The following SASH1 variants were observed in gnomAD, a reference collection of about 807,000 sequenced individuals.
The protein encoded by SASH1 is SAM and SH3 domain-containing protein 1.
In SASH1, 44 loss-of-function variants were observed where a neutral mutation model predicts 125.2. The observed-to-expected ratio is 0.35, with a 90% CI of 0.28 to 0.45. The LOEUF (loss-of-function observed/expected upper bound fraction) is 0.45. Among genes scored for constraint, SASH1 ranks in the 20% least tolerant of loss-of-function variants. The probability of loss-of-function intolerance (pLI) is 1.00; values close to 1 mark genes in which losing one functional copy is unlikely to be tolerated. For missense variants in SASH1, 1,426 were observed against 1,614.5 expected (o/e 0.88, Z 2.00); for synonymous variants, 639 against 649.1 (o/e 0.98, Z 0.24).
At chr6:148,458,142 A>G (rs1489830278) in intron 4 of SASH1, among the ~76,000 whole-genome samples, 3 of 152,216 alleles carry the variant, frequency 2.0e-5, no homozygotes, top group Admixed American at 1.3e-4. Flanking sequence ...TGCTCAGGGA[A>G]TTATTCCCTC....
chr6:148,503,254 A>T (rs546391751), intron 8 of SASH1, among the ~76,000 whole-genome samples: 1 of 152,320 alleles, frequency 6.6e-6, no homozygotes, highest in South Asian at 2.1e-4. Flanking sequence ...GTTGATATGT[A>T]TCAAAAGTCC....
In SASH1 at chr6:148,529,736, G is replaced by A. The variant is rs1252698991; in HGVS notation, c.1429-1790G>A. 6.6e-6 allele frequency among the ~76,000 whole-genome samples: 1 copy of A among 151,842 alleles called. No homozygotes were observed. The highest frequency in any genetic ancestry group is 1.5e-5 in the Non-Finnish European group (1 of 67,978). On this transcript the variant is annotated intron_variant, in intron 12 of 19. Coordinates refer to ENST00000367467, the MANE Select transcript of SASH1 (RefSeq NM_015278.5). This position sits in a 1 kb window ranked among gnomAD's most constrained non-coding sequence, Gnocchi z 4.2. The stretch of plus-strand genomic sequence containing the variant: ...ATTTCACATAAGTTAAGGAATAAAA[G>A]AAACAACTGATCATTATAAATTTTC...
At chr6:148,482,488 T>G (rs995997920) in intron 7 of SASH1, among the ~76,000 whole-genome samples, 1 of 152,060 alleles carries the variant, frequency 6.6e-6, no homozygotes, top group African/African-American at 2.4e-5. Context: ...ACTTAATGTT[T>G]GTCATTGACT....
At chr6:148,197,821 G>C in the SASH1 span, among the ~76,000 whole-genome samples, 1 of 152,110 alleles carries the variant, frequency 6.6e-6, no homozygotes, top group Non-Finnish European at 1.5e-5. Flanking sequence ...CCCTGATAAT[G>C]AGTGAGTTCT....
In SASH1 at chr6:148,531,614, G is replaced by A. The variant is rs764415259; in HGVS notation, c.1517G>A (p.Gly506Asp). 3.2e-6 allele frequency: 5 copies of A among 1,579,338 alleles called. No individual in the cohort carries two copies. Among genetic ancestry groups the A allele is most frequent in the Non-Finnish European group, 4.3e-6 (5 of 1,162,980 alleles). Residue 506 changes from glycine (G) to aspartate (D), a missense_variant, in exon 13 of 20, where the codon GGT (glycine) becomes GAT (aspartate). Transcript: ENST00000367467. ...HLDKPKLKAG[G>D]SVESLRSSLS... is the part of the protein sequence containing the mutation. ...GACAAGCCCAAGCTCAAGGCCGGGG[G>A]TTCTGTAGAAAGTCTTCGCAGTTCT... is the stretch of plus-strand genomic sequence containing the variant.
intron 1 of SASH1, among the ~76,000 whole-genome samples, chr6:148,373,191 CA>C (rs990331980): frequency 8.7e-5 from 13 of 149,746 alleles, no homozygotes; most frequent in African/African-American, 2.2e-4. Flanking sequence ...AACTCCGTCT[CA>C]AAAAAAAAGA....
intron 1 of SASH1, among the ~76,000 whole-genome samples, chr6:148,330,688 C>T (rs1299042120): frequency 6.6e-6 from 1 of 152,090 alleles, no homozygotes; most frequent in East Asian, 1.9e-4. Context: ...CCAGTTCAAG[C>T]GATTCTCCTG....
chr6:148,519,853 AG>A lies in SASH1; in HGVS notation c.1174del (p.Glu392ArgfsTer2). On this transcript the variant is annotated frameshift_variant, in exon 10 of 20. Coordinates refer to ENST00000367467, the MANE Select transcript of SASH1 (RefSeq NM_015278.5). LOFTEE classifies it high-confidence loss of function. The surrounding 1 kb of genome is among the most constrained non-coding windows in gnomAD (Gnocchi z 4.8). Reference protein sequence around the residue: ...KAQKVSRSLTEGEMKKGLGSL... With the variant: ...KAQKVSRSLTXGEMKKGLGSL... Reference sequence around the variant, plus strand: ...CAGAAAGTGTCCCGCTCCCTCACCGAGGGGGAGATGAAGAAGGGTCTCGGGT... The same window carrying A: ...CAGAAAGTGTCCCGCTCCCTCACCGAGGGGAGATGAAGAAGGGTCTCGGGT... 2 of 1,602,050 alleles carry A rather than the reference AG, an allele frequency of 1.2e-6. No homozygotes were observed. Among genetic ancestry groups the A allele is most frequent in the Non-Finnish European group, 8.5e-7 (1 of 1,174,938 alleles).
chr6:148,523,717 C>T (rs576644645), intron 10 of SASH1, among the ~76,000 whole-genome samples: 1 of 152,224 alleles, frequency 6.6e-6, no homozygotes, highest in East Asian at 1.9e-4. Flanking sequence ...TATAGTTGAA[C>T]TCCCAGATTA....
intron 1 of SASH1, among the ~76,000 whole-genome samples, chr6:148,372,882 T>C (rs1782751244): frequency 6.6e-6 from 1 of 151,972 alleles, no homozygotes; most frequent in Non-Finnish European, 1.5e-5. Flanking sequence ...CTATTTCAGA[T>C]GGTGAAAAAA....
chr6:148,507,434 G>A (rs1341535825), intron 8 of SASH1, among the ~76,000 whole-genome samples: 3 of 152,086 alleles, frequency 2.0e-5, no homozygotes, highest in Non-Finnish European at 2.9e-5. Flanking sequence ...GCAGTCAGGC[G>A]ATCTTGGCTC....
chr6:148,305,749 T>G (rs1439547542), intron 1 of SASH1, among the ~76,000 whole-genome samples: 1 of 152,114 alleles, frequency 6.6e-6, no homozygotes, highest in Non-Finnish European at 1.5e-5. Context: ...AGGGGACTAT[T>G]TAACAGAGCT....
the SASH1 span, among the ~76,000 whole-genome samples, chr6:148,239,244 G>C: frequency 2.0e-5 from 3 of 152,136 alleles, no homozygotes; most frequent in Non-Finnish European, 2.9e-5. Flanking sequence ...AAGTAGTTTG[G>C]GGATGTGGGT....
chr6:148,375,971 A>C (rs972803772), intron 1 of SASH1, among the ~76,000 whole-genome samples: 4 of 152,194 alleles, frequency 2.6e-5, no homozygotes, highest in African/African-American at 9.7e-5. Context: ...AAGCTAACTC[A>C]TGCACTGTAC....
the SASH1 span, among the ~76,000 whole-genome samples, chr6:148,264,576 C>A: frequency 4.6e-5 from 7 of 152,220 alleles, no homozygotes; most frequent in Admixed American, 4.6e-4. Flanking sequence ...TACAACCCGG[C>A]CTCTCAAGAG....
chr6:148,422,097 T>C (rs1464626591), intron 2 of SASH1, among the ~76,000 whole-genome samples: 1 of 152,182 alleles, frequency 6.6e-6, no homozygotes, highest in African/African-American at 2.4e-5. Context: ...TCAACCAGAA[T>C]CTCTCTACCT....
intron 2 of SASH1, among the ~76,000 whole-genome samples, chr6:148,424,505 G>A (rs1181534451): frequency 1.3e-5 from 2 of 151,766 alleles, no homozygotes; most frequent in East Asian, 1.9e-4. Flanking sequence ...GGTTACAGGC[G>A]TGAGCCACCA....
Position 148,548,708 on chromosome 6 carries a change from G to C in SASH1, c.*150G>C, listed in dbSNP as rs1425907305. The C allele has an allele frequency of 2.4e-6, 2 of 847,228 alleles. No homozygotes were observed. The highest frequency in any genetic ancestry group is 3.4e-5 in the African/African-American group (2 of 58,732). The allele number at this position is 847,228 out of a possible 1,614,324, so 52.5% of individuals were successfully genotyped here. A position where few individuals can be genotyped will look rare whatever the true frequency, so the allele number is the denominator to read the frequency against. On this transcript the variant is annotated 3_prime_UTR_variant, in exon 20 of 20. Transcript: ENST00000367467. ...CAAACAGCGTGAAACCTTGGCACAG[G>C]ACTGAGGATCCTCTCCTCCAGAAAA...
chr6:148,546,326 A>G (rs557544207), intron 19 of SASH1, among the ~76,000 whole-genome samples, 180 bp downstream of exon 19: 1 of 152,358 alleles, frequency 6.6e-6, no homozygotes, highest in East Asian at 1.9e-4. Flanking sequence ...CAGAAAGAAA[A>G]AAAAAATGAA....
Sources: gnomAD v4.1 joint callset for allele counts (sites outside exome capture counted in the v4.1 genomes callset) on GRCh38, gnomAD v4.1.1 for gene constraint, Gnocchi (gnomAD v3.1) non-coding constraint, MANE v1.5 for transcripts, NCBI Gene and HGNC (gene_info 2026-07-23, HGNC 2026-07-21) for gene names.